RB1: variants seen among roughly 807,000 people sequenced by gnomAD.
The protein encoded by RB1 is retinoblastoma-associated protein.
A neutral mutation model predicts 135.4 loss-of-function variants in RB1; 18 were observed. The observed-to-expected ratio is 0.13, with a 90% CI of 0.09 to 0.20. The LOEUF is 0.20. Ranked by LOEUF, RB1 falls within the 10% of genes least tolerant of loss-of-function variation. The probability of loss-of-function intolerance (pLI) is 1.00; values close to 1 mark genes in which losing one functional copy is unlikely to be tolerated. For missense variants in RB1, 868 were observed against 1,110.0 expected, an observed-to-expected ratio of 0.78 and a Z score of 3.10; for synonymous variants, 365 against 373.2, an observed-to-expected ratio of 0.98 and a Z score of 0.25.
At chr13:48,412,017 A>G (rs367945288) in intron 17 of RB1, 5 of 1,612,696 alleles carry the variant, frequency 3.1e-6, no homozygotes, top group Admixed American at 1.7e-5. Flanking sequence ...GCCAGTGCAA[A>G]CAATCTTTGC....
At chr13:48,451,165 A>C (rs1220815465) in intron 17 of RB1, among the ~76,000 whole-genome samples, 1 of 152,158 alleles carries the variant, frequency 6.6e-6, no homozygotes, top group African/African-American at 2.4e-5. Flanking sequence ...ATCTTCCAAT[A>C]CTATGTTGAA....
intron 7 of RB1, among the ~76,000 whole-genome samples, chr13:48,361,058 AG>A (rs142375545): frequency 0.042 from 6,333 of 152,212 alleles, 265 homozygotes; most frequent in African/African-American, 0.098. Context: ...ACCTTCATTT[AG>A]CAGAAACCAC....
At chr13:48,475,118 G>A (rs992316324) in intron 24 of RB1, among the ~76,000 whole-genome samples, 4 of 152,096 alleles carry the variant, frequency 2.6e-5, no homozygotes, top group Non-Finnish European at 4.4e-5. Flanking sequence ...ACGATACCCC[G>A]TCTCAGCCTC....
intron 17 of RB1, among the ~76,000 whole-genome samples, chr13:48,425,446 C>T (rs923532556): frequency 1.3e-5 from 2 of 152,144 alleles, no homozygotes; most frequent in African/African-American, 4.8e-5. Context: ...GGTCATAAAA[C>T]CTTAGTTGGG....
At chr13:48,360,324 G>A in intron 7 of RB1, 197 bp downstream of exon 7, 1 of 1,235,736 alleles carries the variant, frequency 8.1e-7, no homozygotes, top group South Asian at 1.8e-5. Context: ...ATGGTAGAAA[G>A]TGGTTTGGGT....
intron 2 of RB1, among the ~76,000 whole-genome samples, chr13:48,341,730 A>G (rs1952444425): frequency 6.6e-6 from 1 of 152,028 alleles, no homozygotes; most frequent in Non-Finnish European, 1.5e-5. Flanking sequence ...GTAATCTGGA[A>G]CAACTCACTT....
chr13:48,461,819 C>T (rs1361910956), intron 20 of RB1, among the ~76,000 whole-genome samples: 1 of 151,920 alleles, frequency 6.6e-6, no homozygotes, highest in Non-Finnish European at 1.5e-5. Flanking sequence ...ACCGTTTGCC[C>T]ATTTTATTTT....
At position 48,381,227 on chromosome 13, in the gene RB1, C is replaced by CA; in HGVS notation, c.1499-20_1499-19insA. ...AGGGTTAATATTTCATAAATAGTTA[C>CA]TTTTTTTTTTCATTTTTAGGAAGTA... On this transcript the variant is annotated intron_variant, in intron 16 of 26. Transcript: ENST00000267163. The CA allele has an allele frequency of 6.8e-7, 1 of 1,473,572 alleles. No homozygotes were observed. Among genetic ancestry groups the CA allele is most frequent in the Non-Finnish European group, 9.2e-7 (1 of 1,087,448 alleles). 91.3% of individuals were successfully genotyped at this position (1,473,572 alleles called of 1,614,324 possible).
In RB1 at chr13:48,459,886, A is replaced by ATTTCTTTCTTTTCTTTCTTCTTTCTTTCT. The variant is rs11405303; in HGVS notation, c.2106+55_2106+56insTCTTTCTTTTCTTTCTTCTTTCTTTCTTT. 6.1e-6 allele frequency: 6 copies of ATTTCTTTCTTTTCTTTCTTCTTTCTTTCT among 987,324 alleles called. 1 individual carries two copies. The African/African-American group carries it at 1.5e-4, about 25-fold the overall frequency. 61.2% of individuals were successfully genotyped at this position (987,324 alleles called of 1,614,324 possible). On this transcript the variant is annotated intron_variant, in intron 20 of 26. Coordinates refer to ENST00000267163, the MANE Select transcript of RB1 (RefSeq NM_000321.3). ...CTCCTCCCTACTTACTTGTTAACTG[A>ATTTCTTTCTTTTCTTTCTTCTTTCTTTCT]TTCTTTCTTTCTTTCTTTCTTTCTT...
At chr13:48,304,544 A>T (rs1358605010) in intron 1 of RB1, among the ~76,000 whole-genome samples, 1 of 152,184 alleles carries the variant, frequency 6.6e-6, no homozygotes, top group African/African-American at 2.4e-5. Context: ...GAGGCCGACC[A>T]GAAAGCCTTG....
intron 1 of RB1, among the ~76,000 whole-genome samples, chr13:48,305,616 CATTTT>C (rs1952074536): frequency 6.6e-6 from 1 of 151,946 alleles, no homozygotes; most frequent in Admixed American, 6.6e-5. Context: ...TTTTTTAACT[CATTTT>C]ATATATTTTA....
chr13:48,317,685 C>T lies in RB1; in HGVS notation c.264+10279C>T, dbSNP rs370711158. 1.2e-4 allele frequency: 67 copies of T among 540,218 alleles called. No homozygotes were observed. In the African/African-American group the frequency reaches 1.3e-3, roughly 10 times the overall value. 33.5% of individuals were successfully genotyped at this position (540,218 alleles called of 1,614,324 possible). A position where few individuals can be genotyped will look rare whatever the true frequency, so the allele number is the denominator to read the frequency against. On this transcript the variant is annotated intron_variant, in intron 2 of 26. Transcript: ENST00000267163. ...TGCCACTGGTGCTCCTGGGCGGTGCCGGATCCCCTTGGGCGGGAGCAGCGG... is the reference window on the plus strand; with the variant it reads ...TGCCACTGGTGCTCCTGGGCGGTGCTGGATCCCCTTGGGCGGGAGCAGCGG...
chr13:48,397,448 A>G (rs983732308), intron 17 of RB1, among the ~76,000 whole-genome samples: 2 of 152,148 alleles, frequency 1.3e-5, no homozygotes, highest in Non-Finnish European at 2.9e-5. Context: ...AACAGTGAGA[A>G]CACATGGACA....
intron 2 of RB1, among the ~76,000 whole-genome samples, chr13:48,322,116 CTA>C (rs1952247426): frequency 6.6e-6 from 1 of 152,124 alleles, no homozygotes; most frequent in Non-Finnish European, 1.5e-5. Context: ...GTGACACCCC[CTA>C]TTTTTTAGAT....
intron 11 of RB1, among the ~76,000 whole-genome samples, chr13:48,371,043 G>A (rs1412088686): frequency 6.6e-6 from 1 of 152,176 alleles, no homozygotes; most frequent in African/African-American, 2.4e-5. Flanking sequence ...CAATGTGTCT[G>A]GGGAACTATT....
At chr13:48,436,643 T>TA (rs34668363) in intron 17 of RB1, among the ~76,000 whole-genome samples, 81 of 148,484 alleles carry the variant, frequency 5.5e-4, no homozygotes, top group Admixed American at 1.4e-3. Flanking sequence ...GACTCTCTCT[T>TA]AAAAAAAAAA....
intron 1 of RB1, 44 bp downstream of exon 1, chr13:48,304,093 C>T: frequency 7.3e-7 from 1 of 1,376,736 alleles, no homozygotes; most frequent in Admixed American, 3.8e-5. Flanking sequence ...GAAGGGCGCC[C>T]CGGGTGTGCG....
At chr13:48,343,754 T>C (rs1165496824) in intron 3 of RB1, among the ~76,000 whole-genome samples, 1 of 152,232 alleles carries the variant, frequency 6.6e-6, no homozygotes, top group East Asian at 1.9e-4. Flanking sequence ...TCTTTTTCTT[T>C]GGATATATCT....
intron 17 of RB1, among the ~76,000 whole-genome samples, chr13:48,397,737 T>A (rs1310495283): frequency 1.3e-5 from 2 of 152,214 alleles, no homozygotes; most frequent in African/African-American, 4.8e-5. Flanking sequence ...TTGTAATGAA[T>A]AGCCCATAGT....
Sources: allele counts gnomAD v4.1 joint callset (sites outside exome capture counted in the v4.1 genomes callset), GRCh38; gene constraint gnomAD v4.1.1; transcripts MANE v1.5; gene names NCBI Gene and HGNC (gene_info 2026-07-23, HGNC 2026-07-21).